Variants in MSANTD1 observed in about 807,000 individuals in gnomAD.
MSANTD1 encodes the protein myb/SANT-like DNA-binding domain-containing protein 1.
MSANTD1 carries 7 observed loss-of-function variants against 24.2 expected under a neutral mutation model. The ratio of observed to expected loss-of-function variants is 0.29; its 90% CI spans 0.16 to 0.54. The LOEUF (loss-of-function observed/expected upper bound fraction) is 0.54. Ranked by LOEUF, MSANTD1 falls within the 20% of genes least tolerant of loss-of-function variation. The pLI, the probability that MSANTD1 is intolerant of heterozygous loss-of-function variation, is 0.94. For synonymous variants in MSANTD1, 177 were observed against 181.1 expected, an observed-to-expected ratio of 0.98 and a Z score of 0.18; for missense variants, 384 against 408.2, an observed-to-expected ratio of 0.94 and a Z score of 0.51.
chr4:3,246,474 G>A (rs912266761), upstream of MSANTD1: 3 of 466,736 alleles, frequency 6.4e-6, no homozygotes, highest in Admixed American at 8.1e-5. Flanking sequence ...TTATTTAGAA[G>A]GGATGGAGGC....
Position 3,256,031 on chromosome 4 carries a change from G to C in MSANTD1, c.*66G>C. ...GTACTGCTCAGGCCACCCAGGGCAGGCCACTCAGGCCAGGCGGGCAAGGGG... is the reference window on the plus strand; with the variant it reads ...GTACTGCTCAGGCCACCCAGGGCAGCCCACTCAGGCCAGGCGGGCAAGGGG... On this transcript the variant is annotated 3_prime_UTR_variant, in exon 3 of 3. Transcript: ENST00000438480. 1.4e-6 allele frequency: 2 copies of C among 1,415,240 alleles called. No individual in the cohort carries two copies. The highest frequency in any genetic ancestry group is 1.8e-6 in the Non-Finnish European group (2 of 1,090,130). 87.7% of individuals were successfully genotyped at this position (1,415,240 alleles called of 1,614,324 possible).
intron 2 of MSANTD1, among the ~76,000 whole-genome samples, chr4:3,255,278 C>T (rs1722352089): frequency 6.6e-6 from 1 of 150,732 alleles, no homozygotes; most frequent in Non-Finnish European, 1.5e-5. Context: ...GTGCAGAGAG[C>T]AGTGGCGCGA....
At chr4:3,254,070 C>A (rs910553858) in intron 2 of MSANTD1, among the ~76,000 whole-genome samples, 1 of 152,224 alleles carries the variant, frequency 6.6e-6, no homozygotes, top group African/African-American at 2.4e-5. Context: ...GGGAGCCAGG[C>A]AGCATGCAGG....
chr4:3,253,504 C>A, intron 2 of MSANTD1, 22 bp downstream of exon 2: 1 of 1,495,094 alleles, frequency 6.7e-7, no homozygotes, highest in Non-Finnish European at 9.0e-7. Flanking sequence ...GCTTGTCCTT[C>A]CCCTGCCCTG....
At chr4:3,254,519 C>T (rs1046665209) in intron 2 of MSANTD1, among the ~76,000 whole-genome samples, 8 of 152,214 alleles carry the variant, frequency 5.3e-5, no homozygotes, top group Admixed American at 1.3e-4. Context: ...GCCCAAAGCG[C>T]GGATCTCACG....
intron 2 of MSANTD1, 80 bp downstream of exon 2, chr4:3,253,562 GGCC>G: frequency 7.2e-7 from 1 of 1,390,310 alleles, no homozygotes; most frequent in African/African-American, 1.6e-5. Context: ...GGAGTGGCAA[GGCC>G]GGCGGCGGCG....
At chr4:3,253,125 G>A (rs1006405189) in intron 1 of MSANTD1, 82 bp from the exon 2 acceptor site, 31 of 1,374,876 alleles carry the variant, frequency 2.3e-5, no homozygotes, top group African/African-American at 7.5e-5. Context: ...CCGGCGTGGC[G>A]CGCCCCTCTG....
At chr4:3,255,348 C>T (rs754016266) in intron 2 of MSANTD1, among the ~76,000 whole-genome samples, 8 of 151,710 alleles carry the variant, frequency 5.3e-5, no homozygotes, top group Non-Finnish European at 1.0e-4. Context: ...CTCAGCCTCC[C>T]GAGTAGCTGG....
chr4:3,249,393 C>A lies in MSANTD1; in HGVS notation c.171C>A (p.Val57=). The change falls in exon 1 of 3, where the codon GTC becomes GTA. Residue 57 remains valine, a synonymous_variant. Transcript: ENST00000438480. The stretch of plus-strand genomic sequence containing the variant: ...CCGAGATGCGCGGCCTCATGCTGGT[C>A]TGGGAGGAGTTCTTCGACGAGCTCA... The part of the protein sequence containing the change: ...TDAEMRGLML[V]WEEFFDELKQ... 1 of 1,593,376 alleles carries A rather than the reference C, an allele frequency of 6.3e-7. No homozygotes were observed. Among genetic ancestry groups the A allele is most frequent in the South Asian group, 1.1e-5 (1 of 87,360 alleles).
Position 3,256,028 on chromosome 4 carries a change from C to T in MSANTD1, c.*63C>T. 1 of 1,415,738 alleles carries T rather than the reference C, an allele frequency of 7.1e-7. No individual in the cohort carries two copies. Among genetic ancestry groups the T allele is most frequent in the Non-Finnish European group, 9.2e-7 (1 of 1,090,460 alleles). The allele number at this position is 1,415,738 out of a possible 1,614,324, so 87.7% of individuals were successfully genotyped here. A position where few individuals can be genotyped will look rare whatever the true frequency, so the allele number is the denominator to read the frequency against. On this transcript the variant is annotated 3_prime_UTR_variant, in exon 3 of 3. Coordinates refer to ENST00000438480, the MANE Select transcript of MSANTD1 (RefSeq NM_001042690.2). ...GTGGTACTGCTCAGGCCACCCAGGG[C>T]AGGCCACTCAGGCCAGGCGGGCAAG...
chr4:3,253,996 C>T (rs1349200598), intron 2 of MSANTD1, among the ~76,000 whole-genome samples: 4 of 152,228 alleles, frequency 2.6e-5, no homozygotes, highest in African/African-American at 9.6e-5. Context: ...CCATCCATCC[C>T]ACACCTCAGA....
chr4:3,244,595 C>T (rs1721962568), upstream of MSANTD1: 1 of 152,310 alleles, frequency 6.6e-6, no homozygotes, highest in South Asian at 2.1e-4. Flanking sequence ...CTGCTCAGCC[C>T]AGCGGGGATG....
upstream of MSANTD1, chr4:3,248,512 C>A (rs1722107508): frequency 6.6e-6 from 1 of 152,530 alleles, no homozygotes; most frequent in Non-Finnish European, 1.5e-5. Flanking sequence ...TGCCAGAGGC[C>A]CGTGTCTGTG....
rs773146729 is a variant in MSANTD1 at position 3,253,433 on chromosome 4, G to A, written c.547G>A (p.Glu183Lys). The change falls in exon 2 of 3, where the codon GAG becomes AAG. Residue 183 changes from glutamate (E) to lysine (K), a missense_variant. Transcript: ENST00000438480. ...YNQCSYEGRFEDDRSDSSSSL... is the reference protein window; with the variant it reads ...YNQCSYEGRFKDDRSDSSSSL... ...CCAGTGCTCCTACGAAGGCCGCTTC[G>A]AGGATGATCGCTCCGACAGCTCCTC... The A allele has an allele frequency of 8.2e-6, 13 of 1,585,996 alleles. No individual in the cohort carries two copies. The highest frequency in any genetic ancestry group is 4.6e-5 in the South Asian group (4 of 86,430).
chr4:3,248,964 G>C (rs890212004), upstream of MSANTD1: 1 of 365,108 alleles, frequency 2.7e-6, no homozygotes, highest in Non-Finnish European at 4.8e-6. Flanking sequence ...AGGCAGGGCC[G>C]GGAGCCGGGC....
chr4:3,248,494 C>G (rs922890114), upstream of MSANTD1: 1 of 152,560 alleles, frequency 6.6e-6, no homozygotes, highest in Admixed American at 6.5e-5. Flanking sequence ...GCTGTCCTCA[C>G]CGGCCGGTGC....
At chr4:3,251,150 C>T (rs942578746) in intron 1 of MSANTD1, among the ~76,000 whole-genome samples, 5 of 152,166 alleles carry the variant, frequency 3.3e-5, no homozygotes, top group South Asian at 4.1e-4. Context: ...CAGCTGCCCG[C>T]GGCCCCACTG....
At position 3,249,221 on chromosome 4, in the gene MSANTD1, C is replaced by A; in HGVS notation, c.-2C>A. On this transcript the variant is annotated 5_prime_UTR_variant, in exon 1 of 3. Transcript: ENST00000438480. The stretch of plus-strand genomic sequence containing the variant: ...AGCGAGCGTGAGCGGCGCCTCCCGC[C>A]CATGGTGCGTGGGGCCGGGCCGGGG... The A allele has an allele frequency of 7.2e-7, 1 of 1,397,034 alleles. No homozygotes were observed. The highest frequency in any genetic ancestry group is 1.6e-5 in the South Asian group (1 of 61,022). 86.5% of individuals were successfully genotyped at this position (1,397,034 alleles called of 1,614,324 possible).
upstream of MSANTD1, among the ~76,000 whole-genome samples, chr4:3,247,128 G>A (rs1467934146): frequency 6.6e-6 from 1 of 152,168 alleles, no homozygotes; most frequent in East Asian, 1.9e-4. Context: ...GTGGAAGGGG[G>A]TAGAGGGCAC....
Sources: gnomAD v4.1 joint callset for allele counts (sites outside exome capture counted in the v4.1 genomes callset) on GRCh38, gnomAD v4.1.1 for gene constraint, MANE v1.5 for transcripts, NCBI Gene and HGNC (gene_info 2026-07-23, HGNC 2026-07-21) for gene names.